The following KALRN variants were observed in gnomAD, a reference collection of about 807,000 sequenced individuals.
KALRN encodes the protein kalirin RhoGEF kinase.
In KALRN, 70 loss-of-function variants were observed where a neutral mutation model predicts 353.7. That is an observed-to-expected ratio of 0.20 (90% CI 0.16 to 0.24). KALRN has a LOEUF of 0.24. Among genes scored for constraint, KALRN ranks in the 10% least tolerant of loss-of-function variants. KALRN has a pLI of 1.00. For missense variants in KALRN, 2,791 were observed against 3,756.7 expected, an observed-to-expected ratio of 0.74 and a Z score of 6.72; for synonymous variants, 1,391 against 1,434.8, an observed-to-expected ratio of 0.97 and a Z score of 0.69.
chr3:124,318,588 A>T (rs1447670428), intron 6 of KALRN, among the ~76,000 whole-genome samples: 2 of 152,244 alleles, frequency 1.3e-5, no homozygotes. Context: ...GGTGTTATTA[A>T]GCTGGAGAAA....
chr3:124,584,827 G>C (rs764783626), intron 34 of KALRN: 1 of 1,604,334 alleles, frequency 6.2e-7, no homozygotes, highest in Non-Finnish European at 8.5e-7. Flanking sequence ...GCAACATGAA[G>C]GGCGGCGACA....
At chr3:124,633,667 G>A (rs141262721) in intron 35 of KALRN, among the ~76,000 whole-genome samples, 185 bp from the exon 36 acceptor site, 16 of 151,918 alleles carry the variant, frequency 1.1e-4, no homozygotes, top group African/African-American at 3.9e-4. Context: ...GTTCCCCACT[G>A]GTGCTCACTC....
At chr3:124,392,209 C>T (rs948610256) in intron 11 of KALRN, among the ~76,000 whole-genome samples, 13 of 151,934 alleles carry the variant, frequency 8.6e-5, no homozygotes, top group African/African-American at 2.7e-4. Flanking sequence ...GCCAACATGC[C>T]CAGCTAATTT....
chr3:124,684,835 A>C (rs896244368), intron 51 of KALRN, among the ~76,000 whole-genome samples: 2 of 152,054 alleles, frequency 1.3e-5, no homozygotes, highest in Admixed American at 6.5e-5. Flanking sequence ...GGCTCTGGGA[A>C]GTTTGAGCGG....
chr3:124,620,627 C>G (rs333312), intron 34 of KALRN, among the ~76,000 whole-genome samples: 44,118 of 152,142 alleles, frequency 0.29, 7,752 homozygotes, highest in East Asian at 0.59. Context: ...CAGAATCCAC[C>G]ACTGGTGGAA....
chr3:124,610,604 T>A (rs1578325820), intron 34 of KALRN, among the ~76,000 whole-genome samples: 1 of 150,656 alleles, frequency 6.6e-6, no homozygotes, highest in Non-Finnish European at 1.5e-5. Flanking sequence ...ATAGGAAAGG[T>A]GTCGCCTCTC....
At chr3:124,537,550 C>G (rs1277593574) in intron 33 of KALRN, among the ~76,000 whole-genome samples, 2 of 152,094 alleles carry the variant, frequency 1.3e-5, no homozygotes, top group Non-Finnish European at 2.9e-5. Context: ...AATGAGGTGG[C>G]CTTTGAACTG....
At chr3:124,155,500 C>T (rs2068846977) in intron 1 of KALRN, among the ~76,000 whole-genome samples, 1 of 152,170 alleles carries the variant, frequency 6.6e-6, no homozygotes, top group African/African-American at 2.4e-5. Context: ...AGGTCTAGAA[C>T]ATTTCCAGAT....
intron 1 of KALRN, among the ~76,000 whole-genome samples, chr3:124,173,415 A>G (rs2072175443): frequency 1.3e-5 from 2 of 152,202 alleles, no homozygotes; most frequent in Non-Finnish European, 2.9e-5. Context: ...ATAAACACTA[A>G]CTCTTTCTTA....
intron 33 of KALRN, among the ~76,000 whole-genome samples, chr3:124,525,147 G>T (rs1455779440): frequency 6.6e-6 from 1 of 152,162 alleles, no homozygotes; most frequent in African/African-American, 2.4e-5. Flanking sequence ...GACCATCAAA[G>T]GTGCCAGTGG....
intron 19 of KALRN, among the ~76,000 whole-genome samples, chr3:124,443,758 T>G (rs1255154218): frequency 2.0e-5 from 3 of 152,176 alleles, no homozygotes; most frequent in African/African-American, 7.2e-5. Context: ...GTTGCCCATG[T>G]AAAAGCTTTC....
intron 1 of KALRN, among the ~76,000 whole-genome samples, chr3:124,164,900 C>T (rs929168992): frequency 4.6e-5 from 7 of 152,176 alleles, no homozygotes; most frequent in Non-Finnish European, 1.0e-4. Flanking sequence ...GCTCTACCTT[C>T]GGTGCTAACC....
intron 1 of KALRN, among the ~76,000 whole-genome samples, chr3:124,158,210 T>TG (rs1303514676): frequency 2.0e-5 from 3 of 152,006 alleles, no homozygotes; most frequent in African/African-American, 2.4e-5. Context: ...ATGAGGAGGG[T>TG]GGAGTAGATG....
chr3:124,137,467 G>A (rs1934174695), intron 1 of KALRN, among the ~76,000 whole-genome samples: 2 of 152,090 alleles, frequency 1.3e-5, no homozygotes, highest in South Asian at 4.1e-4. Context: ...AGCTCATTAT[G>A]GGAGCAATGG....
At chr3:124,356,538 T>C (rs1175663994) in intron 10 of KALRN, among the ~76,000 whole-genome samples, 1 of 152,086 alleles carries the variant, frequency 6.6e-6, no homozygotes, top group Non-Finnish European at 1.5e-5. Context: ...TTTGCCATGT[T>C]AGCCAGGCTG....
chr3:124,529,458 G>A (rs2067861406), intron 33 of KALRN, among the ~76,000 whole-genome samples: 1 of 152,102 alleles, frequency 6.6e-6, no homozygotes, highest in Non-Finnish European at 1.5e-5. Flanking sequence ...TGCATGATCT[G>A]GTAGGCAAAA....
chr3:124,643,707 G>A (rs1305322194), intron 37 of KALRN, among the ~76,000 whole-genome samples: 5 of 151,980 alleles, frequency 3.3e-5, no homozygotes, highest in Non-Finnish European at 7.4e-5. Flanking sequence ...CCAGACTGGC[G>A]TTGAACCTGA....
chr3:124,307,822 G>A (rs961718602), intron 6 of KALRN, among the ~76,000 whole-genome samples: 1 of 151,942 alleles, frequency 6.6e-6, no homozygotes, highest in Non-Finnish European at 1.5e-5. Flanking sequence ...GGTAGAAATT[G>A]TCAGACTGGA....
chr3:124,488,497 C>T (rs2062801739), intron 29 of KALRN, 182 bp downstream of exon 29: 1 of 576,658 alleles, frequency 1.7e-6, no homozygotes, highest in Non-Finnish European at 3.1e-6. Context: ...ATTTGGCTAG[C>T]ACCCTGCTTC....
Sources: allele counts gnomAD v4.1 joint callset (sites outside exome capture counted in the v4.1 genomes callset), GRCh38; gene constraint gnomAD v4.1.1; transcripts MANE v1.5; gene names NCBI Gene and HGNC (gene_info 2026-07-23, HGNC 2026-07-21).